Variants in ADAMTS17 observed in about 807,000 individuals in gnomAD.
ADAMTS17 encodes the protein A disintegrin and metalloproteinase with thrombospondin motifs 17.
In ADAMTS17, 113 loss-of-function variants were observed where a neutral mutation model predicts 141.5. The ratio of observed to expected loss-of-function variants is 0.80; its 90% CI spans 0.69 to 0.93. The LOEUF (loss-of-function observed/expected upper bound fraction) is 0.93, where lower values mean the gene tolerates loss of function less well. Among genes scored for constraint, ADAMTS17 ranks in the 40% least tolerant of loss-of-function variants. The pLI, the probability that ADAMTS17 is intolerant of heterozygous loss-of-function variation, is 0.00. For missense variants in ADAMTS17, 1,659 were observed against 1,517.9 expected, an observed-to-expected ratio of 1.09 and a Z score of -1.54; for synonymous variants, 768 against 630.6, an observed-to-expected ratio of 1.22 and a Z score of -3.27.
intron 15 of ADAMTS17, among the ~76,000 whole-genome samples, chr15:100,054,580 T>C (rs2032411694): frequency 6.6e-6 from 1 of 152,198 alleles, no homozygotes; most frequent in Middle Eastern, 3.2e-3. Flanking sequence ...TATCCCCCCA[T>C]TACTAAAGTG....
At chr15:100,324,123 G>A (rs1473318159) in intron 3 of ADAMTS17, among the ~76,000 whole-genome samples, 1 of 151,934 alleles carries the variant, frequency 6.6e-6, no homozygotes, top group Non-Finnish European at 1.5e-5. Context: ...TGGCCAACAT[G>A]GCGAAACCCC....
chr15:100,318,096 G>C (rs747965127), intron 3 of ADAMTS17, among the ~76,000 whole-genome samples: 1 of 152,048 alleles, frequency 6.6e-6, no homozygotes, highest in African/African-American at 2.4e-5. Flanking sequence ...CTGAGGTGAC[G>C]GGTCAGAGTG....
In ADAMTS17 at chr15:100,206,925, G is replaced by A. The variant is rs142949995; in HGVS notation, c.1076-7502C>T. Reference sequence around the variant, plus strand: ...AGCAGCCACAGGCAGGGCCACGAGCGGAGGCTGCTCAACTGTGATGACAGC... The same window carrying A: ...AGCAGCCACAGGCAGGGCCACGAGCAGAGGCTGCTCAACTGTGATGACAGC... On this transcript the variant is annotated intron_variant, in intron 7 of 21. Transcript: ENST00000268070. Among the ~76,000 whole-genome samples the A allele has an allele frequency of 8.8e-3, 1,335 of 152,310 alleles. 8 individuals carry two copies. The highest frequency in any genetic ancestry group is 0.038 in the East Asian group (196 of 5,176).
At chr15:100,113,274 T>G (rs549423801) in intron 13 of ADAMTS17, among the ~76,000 whole-genome samples, 1 of 152,228 alleles carries the variant, frequency 6.6e-6, no homozygotes, top group South Asian at 2.1e-4. Context: ...CTCCCTTATA[T>G]GTAATTCAGA....
intron 8 of ADAMTS17, among the ~76,000 whole-genome samples, chr15:100,170,426 G>A (rs1035417930): frequency 2.0e-5 from 3 of 152,156 alleles, no homozygotes; most frequent in Non-Finnish European, 4.4e-5. Flanking sequence ...CCCTCAGCAC[G>A]CAGGGACTCC....
At position 99,995,056 on chromosome 15, in the gene ADAMTS17, C is replaced by T. The variant is rs563328116; in HGVS notation, c.2797-1856G>A. ...GGGTCCCCGGATGCCAGGGGTCCGT[C>T]CATGGTGGGCTTTGCATGCAGGAGC... On this transcript the variant is annotated intron_variant, in intron 19 of 21. Coordinates refer to ENST00000268070, the MANE Select transcript of ADAMTS17 (RefSeq NM_139057.4). Among the ~76,000 whole-genome samples the T allele has an allele frequency of 3.1e-3, 471 of 152,292 alleles. 2 individuals carry two copies. Among genetic ancestry groups the T allele is most frequent in the African/African-American group, 0.011 (440 of 41,564 alleles).
At chr15:100,084,588 C>T (rs2141838186) in intron 15 of ADAMTS17, among the ~76,000 whole-genome samples, 1 of 152,308 alleles carries the variant, frequency 6.6e-6, no homozygotes, top group Admixed American at 6.5e-5. Context: ...ATGGGAGGCA[C>T]CCCCCTGTAG....
At position 100,011,729 on chromosome 15, in the gene ADAMTS17, C is replaced by T. The variant is rs551143944; in HGVS notation, c.2592-14140G>A. Among the ~76,000 whole-genome samples, 7 of 152,304 alleles carry T rather than the reference C, an allele frequency of 4.6e-5. No homozygotes were observed. In the East Asian group the frequency reaches 9.6e-4, roughly 21 times the overall value. On this transcript the variant is annotated intron_variant, in intron 18 of 21. Transcript: ENST00000268070. The stretch of plus-strand genomic sequence containing the variant: ...CAGGTTGCTGCAAATGCCATTAATT[C>T]GTTCTTGTTTATGGCCAAGTAGTAT...
In ADAMTS17 at chr15:100,051,684, A is replaced by G. The variant is rs775494030; in HGVS notation, c.2343T>C (p.Thr781=). ...TTTCCGCAGTGCGGTTTACAGGAAC[A>G]GTGTATTCATAATGAATTCCATAAT... ...DQDYGIHYEY[T]VPVNRTAENQ... Residue 781 remains threonine (T), a synonymous_variant, in exon 17 of 22, where the codon ACT becomes ACC. Transcript: ENST00000268070. 6.2e-7 allele frequency: 1 copy of G among 1,614,240 alleles called. No homozygotes were observed. Among genetic ancestry groups the G allele is most frequent in the South Asian group, 1.1e-5 (1 of 91,084 alleles).
At chr15:100,100,118 C>T (rs1480203600) in intron 14 of ADAMTS17, among the ~76,000 whole-genome samples, 2 of 152,178 alleles carry the variant, frequency 1.3e-5, no homozygotes, top group Non-Finnish European at 2.9e-5. Context: ...ATGTGCCTAA[C>T]CTGGAAATAA....
At position 100,325,537 on chromosome 15, in the gene ADAMTS17, G is replaced by C. The variant is rs547396300; in HGVS notation, c.616+5352C>G. Among the ~76,000 whole-genome samples the C allele has an allele frequency of 1.6e-4, 25 of 152,306 alleles. No individual in the cohort carries two copies. The South Asian group carries it at 5.0e-3, about 30-fold the overall frequency. On this transcript the variant is annotated intron_variant, in intron 3 of 21. Coordinates refer to ENST00000268070, the MANE Select transcript of ADAMTS17 (RefSeq NM_139057.4). The stretch of plus-strand genomic sequence containing the variant: ...AACATGCTGCCCAATGCTGGAGGTG[G>C]AGCCTAGTGGGAGGTGGCGGATCCC...
chr15:100,209,996 G>A (rs2041738775), intron 7 of ADAMTS17, among the ~76,000 whole-genome samples: 1 of 152,058 alleles, frequency 6.6e-6, no homozygotes, highest in Non-Finnish European at 1.5e-5. Context: ...ATGCCTCTGT[G>A]GTGGTCCGCG....
At chr15:100,069,811 A>G (rs572499070) in intron 15 of ADAMTS17, among the ~76,000 whole-genome samples, 3 of 150,574 alleles carry the variant, frequency 2.0e-5, no homozygotes, top group South Asian at 2.1e-4. Flanking sequence ...AAAGACCATC[A>G]AGGCTAGGAA....
intron 3 of ADAMTS17, among the ~76,000 whole-genome samples, chr15:100,320,094 G>A (rs2045686509): frequency 2.0e-5 from 3 of 152,146 alleles, no homozygotes; most frequent in Admixed American, 2.0e-4. Flanking sequence ...AAGATTAAAT[G>A]GAGATCAGAC....
chr15:100,146,108 G>C (rs2038891047), intron 10 of ADAMTS17, among the ~76,000 whole-genome samples: 1 of 152,208 alleles, frequency 6.6e-6, no homozygotes, highest in South Asian at 2.1e-4. Context: ...GGGAGGTGGA[G>C]GTTGCACTGA....
chr15:100,037,484 C>T (rs1002172967), intron 18 of ADAMTS17, among the ~76,000 whole-genome samples: 1 of 150,068 alleles, frequency 6.7e-6, no homozygotes, highest in Non-Finnish European at 1.5e-5. Context: ...AATTTCGGCT[C>T]ACTGCAACCT....
chr15:100,139,137 A>G (rs2038493469), intron 10 of ADAMTS17, among the ~76,000 whole-genome samples: 2 of 152,196 alleles, frequency 1.3e-5, no homozygotes, highest in African/African-American at 4.8e-5. Flanking sequence ...TTGGGGGGAA[A>G]CTAGATGAAC....
At chr15:100,011,575 T>A (rs1426826001) in intron 18 of ADAMTS17, among the ~76,000 whole-genome samples, 1 of 152,158 alleles carries the variant, frequency 6.6e-6, no homozygotes, top group African/African-American at 2.4e-5. Flanking sequence ...TAAGCCTTTT[T>A]CAGAGCTTCC....
intron 20 of ADAMTS17, among the ~76,000 whole-genome samples, chr15:99,981,694 GACAA>G (rs1596147468): frequency 6.6e-6 from 1 of 152,198 alleles, no homozygotes; most frequent in Non-Finnish European, 1.5e-5. Flanking sequence ...CAGTTTGGAA[GACAA>G]ACCGTTATAA....
Sources: allele counts gnomAD v4.1 joint callset (sites outside exome capture counted in the v4.1 genomes callset), GRCh38; gene constraint gnomAD v4.1.1; transcripts MANE v1.5; gene names NCBI Gene and HGNC (gene_info 2026-07-23, HGNC 2026-07-21).